Variants in B3GALT1 observed in about 807,000 individuals in gnomAD.
B3GALT1 encodes UDP-Gal:betaGlcNAc beta 1,3-galactosyltransferase, polypeptide 1.
A neutral mutation model predicts 23.2 loss-of-function variants in B3GALT1; 10 were observed. That is an observed-to-expected ratio of 0.43 (90% CI 0.27 to 0.73). The LOEUF (loss-of-function observed/expected upper bound fraction) is 0.73, where lower values mean the gene tolerates loss of function less well. Among genes scored for constraint, B3GALT1 ranks in the 30% least tolerant of loss-of-function variants. The probability of loss-of-function intolerance (pLI) is 0.21; values close to 1 mark genes in which losing one functional copy is unlikely to be tolerated. For synonymous variants in B3GALT1, 156 were observed against 141.5 expected (o/e 1.10, Z -0.73); for missense variants, 299 against 405.4 (o/e 0.74, Z 2.25).
chr2:167,763,405 T>C (rs1487320421), intron 3 of B3GALT1, among the ~76,000 whole-genome samples: 1 of 152,182 alleles, frequency 6.6e-6, no homozygotes, highest in Non-Finnish European at 1.5e-5. Flanking sequence ...GGAAGGTAGA[T>C]AAGAGCTGCA....
chr2:167,726,474 A>G (rs985326606), intron 3 of B3GALT1, among the ~76,000 whole-genome samples: 1 of 152,204 alleles, frequency 6.6e-6, no homozygotes, highest in African/African-American at 2.4e-5. Flanking sequence ...TGATTTAAGG[A>G]TGATTGGAAA....
chr2:167,486,882 G>C (rs1003955628), intron 1 of B3GALT1, among the ~76,000 whole-genome samples: 1 of 152,120 alleles, frequency 6.6e-6, no homozygotes, highest in African/African-American at 2.4e-5. Context: ...AATCACACAA[G>C]AATGTTGGGA....
rs1431902 is a variant in B3GALT1, at chr2:167,611,980, A to G, written c.-409-34929A>G. Among the ~76,000 whole-genome samples, 1,509 of 152,170 alleles carry G rather than the reference A, an allele frequency of 9.9e-3. 31 individuals carry two copies. The highest frequency in any genetic ancestry group is 0.034 in the African/African-American group (1,428 of 41,556). On this transcript the variant is annotated intron_variant, in intron 2 of 4. Transcript: ENST00000392690. Reference sequence around the variant, plus strand: ...GATTGTTTAATTTGAAAAAGAGAACAAGTGGCCTGTTGATGAATTGCTTTA... The same window carrying G: ...GATTGTTTAATTTGAAAAAGAGAACGAGTGGCCTGTTGATGAATTGCTTTA...
At chr2:167,495,989 A>G (rs1699778325) in intron 2 of B3GALT1, among the ~76,000 whole-genome samples, 1 of 152,236 alleles carries the variant, frequency 6.6e-6, no homozygotes, top group Non-Finnish European at 1.5e-5. Context: ...CTTTTCCAGA[A>G]CATGAAAGTA....
chr2:167,715,545 G>C (rs1232417243), intron 3 of B3GALT1: 1 of 1,613,498 alleles, frequency 6.2e-7, no homozygotes, highest in Admixed American at 1.7e-5. Context: ...TCTAGAGATT[G>C]TATCCTTTTT....
intron 3 of B3GALT1, among the ~76,000 whole-genome samples, chr2:167,755,481 C>T (rs1255254613): frequency 6.8e-6 from 1 of 147,540 alleles, no homozygotes; most frequent in Non-Finnish European, 1.5e-5. Flanking sequence ...ATCCTGCCTC[C>T]CTTCCTCACC....
intron 4 of B3GALT1, among the ~76,000 whole-genome samples, chr2:167,825,283 C>CAAAAAAAAAAAAAA (rs71963760): frequency 7.3e-5 from 6 of 82,214 alleles, no homozygotes; most frequent in African/African-American, 2.5e-4. Context: ...GACTCCGTCT[C>CAAAAAAAAAAAAAA]AAAAAAAAAA....
intron 1 of B3GALT1, among the ~76,000 whole-genome samples, chr2:167,400,162 ATGTC>A (rs1339059586): frequency 1.9e-4 from 5 of 26,368 alleles, no homozygotes; most frequent in African/African-American, 4.0e-4. Context: ...TTTTACATCT[ATGTC>A]TGTGTGTGTG....
chr2:167,509,420 CTATA>C (rs1241801890), intron 2 of B3GALT1, among the ~76,000 whole-genome samples: 1 of 151,400 alleles, frequency 6.6e-6, no homozygotes, highest in African/African-American at 2.4e-5. Context: ...TGGAAGGAGA[CTATA>C]TATATACATA....
chr2:167,650,812 A>C (rs1442859212), intron 3 of B3GALT1, among the ~76,000 whole-genome samples: 1 of 152,084 alleles, frequency 6.6e-6, no homozygotes, highest in African/African-American at 2.4e-5. Context: ...CCATCTTCAA[A>C]GATTAAATAA....
intron 1 of B3GALT1, among the ~76,000 whole-genome samples, chr2:167,410,182 A>C (rs531111574): frequency 1.6e-4 from 25 of 152,174 alleles, no homozygotes; most frequent in Non-Finnish European, 2.6e-4. Flanking sequence ...AGGAACAGGA[A>C]ACCAAACACC....
chr2:167,481,696 T>C (rs1231564169), intron 1 of B3GALT1, among the ~76,000 whole-genome samples: 1 of 152,198 alleles, frequency 6.6e-6, no homozygotes, highest in Non-Finnish European at 1.5e-5. Context: ...CAAATGAACA[T>C]CATTTTTCAA....
chr2:167,601,435 CCAGATATTT>C (rs1178300047), intron 2 of B3GALT1, among the ~76,000 whole-genome samples: 7 of 152,198 alleles, frequency 4.6e-5, no homozygotes, highest in Non-Finnish European at 8.8e-5. Flanking sequence ...TTTCAATTCT[CCAGATATTT>C]CAGATTTTTA....
rs549227057 is a variant in B3GALT1 at position 167,480,251 on chromosome 2, GC to G, written c.-510-9921del. 3.2e-4 allele frequency among the ~76,000 whole-genome samples: 48 copies of G among 152,202 alleles called. 2 individuals carry two copies. In the South Asian group the frequency reaches 9.3e-3, roughly 30 times the overall value. On this transcript the variant is annotated intron_variant, in intron 1 of 4. Transcript: ENST00000392690. ...CATTAGTCTTACAAAGGCAGTTTCAGCCCCCAGAGAGGGATCAGTTTTAGGG... is the reference window on the plus strand; with the variant it reads ...CATTAGTCTTACAAAGGCAGTTTCAGCCCCAGAGAGGGATCAGTTTTAGGG...
At chr2:167,615,026 G>A (rs1685134993) in intron 2 of B3GALT1, among the ~76,000 whole-genome samples, 2 of 151,860 alleles carry the variant, frequency 1.3e-5, no homozygotes, top group Non-Finnish European at 1.5e-5. Flanking sequence ...TTTTGAAAAT[G>A]GACTGCCTAA....
chr2:167,576,269 T>C (rs568334628), intron 2 of B3GALT1, among the ~76,000 whole-genome samples: 1 of 151,894 alleles, frequency 6.6e-6, no homozygotes, highest in East Asian at 1.9e-4. Flanking sequence ...TTCTATTACC[T>C]TAAAAATCAA....
intron 1 of B3GALT1, among the ~76,000 whole-genome samples, chr2:167,341,056 A>G (rs1697139378): frequency 6.6e-6 from 1 of 152,232 alleles, no homozygotes; most frequent in African/African-American, 2.4e-5. Flanking sequence ...AACTCAGTGG[A>G]TGGATTTAAC....
intron 3 of B3GALT1, among the ~76,000 whole-genome samples, chr2:167,689,541 G>A (rs1686676142): frequency 6.6e-6 from 1 of 152,094 alleles, no homozygotes; most frequent in Non-Finnish European, 1.5e-5. Context: ...GAGTCTTCAG[G>A]CAAGGGGTGA....
At chr2:167,477,808 T>C (rs1367450526) in intron 1 of B3GALT1, among the ~76,000 whole-genome samples, 2 of 152,234 alleles carry the variant, frequency 1.3e-5, no homozygotes, top group Non-Finnish European at 2.9e-5. Context: ...ACACATTCCA[T>C]TGAATCATCA....
Sources: gnomAD v4.1 joint callset for allele counts (sites outside exome capture counted in the v4.1 genomes callset) on GRCh38, gnomAD v4.1.1 for gene constraint, MANE v1.5 for transcripts, NCBI Gene and HGNC (gene_info 2026-07-23, HGNC 2026-07-21) for gene names.